Variants in LAMP2 observed in about 807,000 individuals in gnomAD.
The protein encoded by LAMP2 is lysosome-associated membrane glycoprotein 2.
A neutral mutation model predicts 25.6 loss-of-function variants in LAMP2; 4 were observed. That is an observed-to-expected ratio of 0.16 (90% CI 0.08 to 0.36). LAMP2 has a LOEUF of 0.36. Among genes scored for constraint, LAMP2 ranks in the 10% least tolerant of loss-of-function variants. LAMP2 has a pLI of 1.00. For synonymous variants in LAMP2, 108 were observed against 112.7 expected, an observed-to-expected ratio of 0.96 and a Z score of 0.27; for missense variants, 272 against 301.4, an observed-to-expected ratio of 0.90 and a Z score of 0.72.
rs2058592523 is a variant in LAMP2 at position 120,445,645 on chromosome X, A to C, written c.864+660T>G. 2.7e-5 allele frequency among the ~76,000 whole-genome samples: 3 copies of C among 112,335 alleles called. No homozygotes were observed. The South Asian group carries it at 1.1e-3, about 41-fold the overall frequency. On this transcript the variant is annotated intron_variant, in intron 6 of 8. Coordinates refer to ENST00000200639, the MANE Select transcript of LAMP2 (RefSeq NM_002294.3). ...ACATCCCTTCACAGAAATTATGGGAATAATAGTTGCTTCTGAGAAGGTGGA... is the reference window on the plus strand; with the variant it reads ...ACATCCCTTCACAGAAATTATGGGACTAATAGTTGCTTCTGAGAAGGTGGA...
chrX:120,438,108 C>T (rs757095441), intron 8 of LAMP2: 34 of 568,431 alleles, frequency 6.0e-5, no homozygotes, highest in South Asian at 5.5e-4. Context: ...CCACCCACTT[C>T]GGCCTCCCAA....
intron 1 of LAMP2, among the ~76,000 whole-genome samples, chrX:120,463,915 G>GTTT (rs1221202178): frequency 1.0e-5 from 1 of 96,733 alleles, no homozygotes; most frequent in Admixed American, 1.2e-4. Flanking sequence ...TCTGTTTTTC[G>GTTT]TTTTTTTTTT....
At chrX:120,452,339 A>G (rs2058624830) in intron 3 of LAMP2, among the ~76,000 whole-genome samples, 1 of 110,610 alleles carries the variant, frequency 9.0e-6, no homozygotes, top group African/African-American at 3.3e-5. Context: ...ACTGCCGCAT[A>G]TGCTATGCTT....
chrX:120,449,461 A>AT (rs1225040575), intron 3 of LAMP2, among the ~76,000 whole-genome samples: 15 of 111,963 alleles, frequency 1.3e-4, no homozygotes, highest in Admixed American at 3.8e-4. Context: ...CTAAAAAGAT[A>AT]ATAATTAGCT....
At position 120,429,734 on chromosome X, in the gene LAMP2, T is replaced by C. The variant is rs73612906; in HGVS notation, c.*1589A>G. 6.4e-3 allele frequency: 4,782 copies of C among 751,952 alleles called. 183 individuals carry two copies. In the African/African-American group the frequency reaches 0.1, roughly 16 times the overall value. The allele number at this position is 751,952 out of a possible 1,213,427, so 62.0% of individuals were successfully genotyped here. On this transcript the variant is annotated 3_prime_UTR_variant, in exon 9 of 9. Transcript: ENST00000200639. ...TTACTGTTGAGTGACTAGATTTCAT[T>C]AGGGGCAATTTTTATCAAAATGCTA...
At chrX:120,453,571 A>G (rs1186382108) in intron 3 of LAMP2, among the ~76,000 whole-genome samples, 1 of 112,293 alleles carries the variant, frequency 8.9e-6, no homozygotes, top group Non-Finnish European at 1.9e-5. Flanking sequence ...GCACTTTGGG[A>G]GGCTGAGGTG....
chrX:120,465,318 A>AC (rs1921489912), intron 1 of LAMP2, among the ~76,000 whole-genome samples: 1 of 84,963 alleles, frequency 1.2e-5, no homozygotes, highest in Non-Finnish European at 2.4e-5. Flanking sequence ...TGAACCCTAA[A>AC]AAAACAAACA....
chrX:120,461,759 T>G (rs987640326), intron 1 of LAMP2, among the ~76,000 whole-genome samples: 2 of 112,153 alleles, frequency 1.8e-5, no homozygotes, highest in Admixed American at 9.4e-5. Flanking sequence ...TACTGATTAA[T>G]TATATCAAGG....
chrX:120,436,170 A>ACACACACACACACT (rs1251901451), intron 8 of LAMP2, among the ~76,000 whole-genome samples: 1 of 57,307 alleles, frequency 1.7e-5, no homozygotes, highest in African/African-American at 5.0e-5. Context: ...ACACACACAC[A>ACACACACACACACT]CTCTCTCTCT....
At chrX:120,464,234 C>T (rs1921446901) in intron 1 of LAMP2, among the ~76,000 whole-genome samples, 1 of 111,331 alleles carries the variant, frequency 9.0e-6, no homozygotes, top group Middle Eastern at 4.2e-3. Flanking sequence ...TATAATTATC[C>T]GTACTGCTTA....
At chrX:120,454,590 C>T (rs1413203821) in intron 3 of LAMP2, among the ~76,000 whole-genome samples, 11 of 109,174 alleles carry the variant, frequency 1.0e-4, no homozygotes. Context: ...CCCCCCCCAA[C>T]CCCCGATCTT....
chrX:120,433,089 T>C (rs183108295), intron 8 of LAMP2, among the ~76,000 whole-genome samples: 2 of 110,502 alleles, frequency 1.8e-5, no homozygotes, highest in Non-Finnish European at 3.8e-5. Flanking sequence ...GGATAGACAA[T>C]GGAGTAGGAA....
At chrX:120,446,229 C>T in intron 6 of LAMP2, 76 bp downstream of exon 6, 2 of 943,362 alleles carry the variant, frequency 2.1e-6, no homozygotes, top group Non-Finnish European at 1.5e-6. Flanking sequence ...ATACCCCCCT[C>T]CCCCCATGCA....
chrX:120,442,019 A>C (rs767838941), intron 7 of LAMP2, 125 bp from the exon 8 acceptor site: 1 of 571,148 alleles, frequency 1.8e-6, no homozygotes, highest in East Asian at 3.5e-5. Flanking sequence ...TGGGCAGATC[A>C]CGTGAGCCCA....
intron 7 of LAMP2, 46 bp downstream of exon 7, chrX:120,442,553 T>A: frequency 9.7e-7 from 1 of 1,033,067 alleles, no homozygotes; most frequent in Non-Finnish European, 1.4e-6. Context: ...TTCTAATCCT[T>A]CAGGGTAATC....
At chrX:120,452,298 CA>C (rs965361088) in intron 3 of LAMP2, among the ~76,000 whole-genome samples, 1 of 106,987 alleles carries the variant, frequency 9.3e-6, no homozygotes, top group Non-Finnish European at 1.9e-5. Context: ...GCTACACACA[CA>C]GCCTGATTTA....
Position 120,429,258 on chromosome X carries a change from G to C in LAMP2, c.*2065C>G, listed in dbSNP as rs924491995. The stretch of plus-strand genomic sequence containing the variant: ...CTAATGCGTTGCAGTCCATTCCACC[G>C]AACCACCAGGAAAGCAACATGTGCA... On this transcript the variant is annotated 3_prime_UTR_variant, in exon 9 of 9. Transcript: ENST00000200639. 1 of 745,028 alleles carries C rather than the reference G, an allele frequency of 1.3e-6. No homozygotes were observed. Among genetic ancestry groups the C allele is most frequent in the Non-Finnish European group, 1.6e-6 (1 of 638,168 alleles). 61.4% of individuals were successfully genotyped at this position (745,028 alleles called of 1,213,427 possible). A position where few individuals can be genotyped will look rare whatever the true frequency, so the allele number is the denominator to read the frequency against.
chrX:120,427,323 C>G lies in LAMP2; in HGVS notation c.*4000G>C, dbSNP rs1190462536. ...ACCCTAGACAACTTCAACACTGCTT[C>G]CAAATAAAAGGGCAATTCAACAGCT... On this transcript the variant is annotated 3_prime_UTR_variant, in exon 9 of 9. Transcript: ENST00000200639. Among the ~76,000 whole-genome samples, 2 of 111,317 alleles carry G rather than the reference C, an allele frequency of 1.8e-5. No individual in the cohort carries two copies. Among genetic ancestry groups the G allele is most frequent in the Non-Finnish European group, 3.8e-5 (2 of 53,054 alleles).
In LAMP2 at chrX:120,440,508, C is replaced by T. The variant is rs146175022; in HGVS notation, c.1093+1222G>A. Among the ~76,000 whole-genome samples the T allele has an allele frequency of 7.9e-3, 885 of 112,028 alleles. 10 individuals are homozygous for T. Among genetic ancestry groups the T allele is most frequent in the African/African-American group, 0.027 (825 of 30,808 alleles). ...ATACATTCAATATCAGTATTAAATG[C>T]TGTATATCTCTTTGGGTGATATTTT... On this transcript the variant is annotated intron_variant, in intron 8 of 8. Transcript: ENST00000200639.
Sources: allele counts gnomAD v4.1 joint callset (sites outside exome capture counted in the v4.1 genomes callset), GRCh38; gene constraint gnomAD v4.1.1; transcripts MANE v1.5; gene names NCBI Gene and HGNC (gene_info 2026-07-23, HGNC 2026-07-21).